TEAD1: variants seen among roughly 807,000 people sequenced by gnomAD.
The protein encoded by TEAD1 is transcriptional enhancer factor TEF-1.
In TEAD1, 9 loss-of-function variants were observed where a neutral mutation model predicts 54.9. That is an observed-to-expected ratio of 0.16 (90% confidence interval 0.10 to 0.29). TEAD1 has a LOEUF of 0.29. Among genes scored for constraint, TEAD1 ranks in the 10% least tolerant of loss-of-function variants. The probability of loss-of-function intolerance (pLI) is 1.00; values close to 1 mark genes in which losing one functional copy is unlikely to be tolerated. For missense variants in TEAD1, 387 were observed against 535.9 expected (o/e 0.72, Z 2.74); for synonymous variants, 200 against 187.8 (o/e 1.07, Z -0.53).
intron 2 of TEAD1, among the ~76,000 whole-genome samples, chr11:12,697,882 G>A (rs1943619364): frequency 6.6e-6 from 1 of 152,084 alleles, no homozygotes. Flanking sequence ...AATTAGCCAG[G>A]CATGGTGGCA....
At chr11:12,912,157 C>T (rs968207657) in intron 10 of TEAD1, among the ~76,000 whole-genome samples, 1 of 152,084 alleles carries the variant, frequency 6.6e-6, no homozygotes, top group Non-Finnish European at 1.5e-5. Flanking sequence ...TGGGCCATCT[C>T]GTTGCTAGAA....
chr11:12,936,244 T>TG (rs1015987982), intron 12 of TEAD1, among the ~76,000 whole-genome samples: 38 of 152,204 alleles, frequency 2.5e-4, no homozygotes, highest in African/African-American at 9.1e-4. Flanking sequence ...CTGTGTGGTG[T>TG]GGAGGGAGCT....
At chr11:12,692,310 T>A (rs1293143470) in intron 2 of TEAD1, among the ~76,000 whole-genome samples, 1 of 152,114 alleles carries the variant, frequency 6.6e-6, no homozygotes, top group Non-Finnish European at 1.5e-5. Flanking sequence ...AGACCTACAG[T>A]TTTAGCTTCA....
At chr11:12,689,915 T>C (rs1943418439) in intron 2 of TEAD1, among the ~76,000 whole-genome samples, 1 of 151,994 alleles carries the variant, frequency 6.6e-6, no homozygotes, top group Non-Finnish European at 1.5e-5. Context: ...CAACCAACTA[T>C]TGATACCGTG....
intron 3 of TEAD1, among the ~76,000 whole-genome samples, chr11:12,769,754 G>T (rs948794270): frequency 2.6e-5 from 4 of 152,116 alleles, no homozygotes; most frequent in African/African-American, 9.7e-5. Flanking sequence ...AAGTTAATTG[G>T]TTAGAAGCGT....
chr11:12,908,156 A>T (rs768919496), intron 10 of TEAD1, among the ~76,000 whole-genome samples: 1 of 152,144 alleles, frequency 6.6e-6, no homozygotes, highest in East Asian at 1.9e-4. Context: ...AACAGAGGAT[A>T]GTCCAGGAGC....
intron 2 of TEAD1, among the ~76,000 whole-genome samples, chr11:12,692,358 A>G (rs1390768332): frequency 6.6e-6 from 1 of 152,170 alleles, no homozygotes; most frequent in Non-Finnish European, 1.5e-5. Context: ...ACAAAGCTGT[A>G]TGCGTTCACA....
intron 3 of TEAD1, among the ~76,000 whole-genome samples, chr11:12,780,715 T>C (rs972255643): frequency 2.6e-5 from 4 of 152,202 alleles, no homozygotes; most frequent in Non-Finnish European, 5.9e-5. Flanking sequence ...AATAACCGAA[T>C]AAATTGGAAG....
At chr11:12,922,521 C>T (rs1403549568) in intron 10 of TEAD1, 2 of 152,026 alleles carry the variant, frequency 1.3e-5, no homozygotes, top group Non-Finnish European at 2.9e-5. Flanking sequence ...TGGACATTTT[C>T]CTAATAACCA....
chr11:12,680,387 A>G (rs1196212421), intron 2 of TEAD1, among the ~76,000 whole-genome samples: 1 of 152,240 alleles, frequency 6.6e-6, no homozygotes, highest in Non-Finnish European at 1.5e-5. Context: ...GCCCGCGGAA[A>G]CCAAATGACT....
intron 12 of TEAD1, 25 bp downstream of exon 12, chr11:12,930,351 G>GT (rs1948990994): frequency 1.2e-6 from 2 of 1,613,734 alleles, no homozygotes; most frequent in Non-Finnish European, 1.7e-6. Flanking sequence ...TCTTTCCTCT[G>GT]TGGGCAGATG....
chr11:12,772,525 T>G (rs1945332778), intron 3 of TEAD1, among the ~76,000 whole-genome samples: 1 of 152,206 alleles, frequency 6.6e-6, no homozygotes, highest in Non-Finnish European at 1.5e-5. Context: ...TTAGTACAGA[T>G]GTACAGTATA....
Position 12,805,148 on chromosome 11 carries a change from C to G in TEAD1, c.202+40714C>G, listed in dbSNP as rs532691845. On this transcript the variant is annotated intron_variant, in intron 3 of 12. Transcript: ENST00000527636. The stretch of plus-strand genomic sequence containing the variant: ...CCATTTGGTGGCTTACTGTGAAGGT[C>G]AACAATATAATGAATCTCCTTTAAA... Among the ~76,000 whole-genome samples the G allele has an allele frequency of 2.6e-5, 4 of 152,214 alleles. No individual in the cohort carries two copies. In the East Asian group the frequency reaches 7.7e-4, roughly 29 times the overall value.
At chr11:12,775,460 A>G (rs894414400) in intron 3 of TEAD1, among the ~76,000 whole-genome samples, 1 of 152,198 alleles carries the variant, frequency 6.6e-6, no homozygotes, top group Non-Finnish European at 1.5e-5. Flanking sequence ...TTCCTCACTC[A>G]TCTGCTGCTG....
rs184408211 is a variant in TEAD1, at chr11:12,749,552, G to A, written c.-54-14627G>A. Among the ~76,000 whole-genome samples, 369 of 152,288 alleles carry A rather than the reference G, an allele frequency of 2.4e-3. 3 individuals are homozygous for A. In the South Asian group the frequency reaches 0.03, roughly 12 times the overall value. On this transcript the variant is annotated intron_variant, in intron 2 of 12. Transcript: ENST00000527636. Reference sequence around the variant, plus strand: ...TTGCTGGGGTTTGTCAGAGGGGAGGGGGAGGAGACTGCTGGCTGGAGAGGG... The same window carrying A: ...TTGCTGGGGTTTGTCAGAGGGGAGGAGGAGGAGACTGCTGGCTGGAGAGGG...
chr11:12,780,119 C>T lies in TEAD1; in HGVS notation c.202+15685C>T, dbSNP rs189944305. ...TTGGGAAGGGAGAAGTCAAACTATACTGTCTCTATTTGATCTTGTATGTAG... is the reference window on the plus strand; with the variant it reads ...TTGGGAAGGGAGAAGTCAAACTATATTGTCTCTATTTGATCTTGTATGTAG... On this transcript the variant is annotated intron_variant, in intron 3 of 12. Coordinates refer to ENST00000527636, the MANE Select transcript of TEAD1 (RefSeq NM_021961.6). Among the ~76,000 whole-genome samples, 12 of 152,180 alleles carry T rather than the reference C, an allele frequency of 7.9e-5. No individual in the cohort carries two copies. In the East Asian group the frequency reaches 2.3e-3, roughly 29 times the overall value.
chr11:12,920,946 G>T (rs977624093), intron 10 of TEAD1, among the ~76,000 whole-genome samples: 18 of 152,150 alleles, frequency 1.2e-4, no homozygotes, highest in African/African-American at 1.9e-4. Context: ...TCAAATGGCT[G>T]TACTTTATAG....
intron 3 of TEAD1, among the ~76,000 whole-genome samples, chr11:12,859,085 C>T (rs1397494587): frequency 6.6e-6 from 1 of 152,190 alleles, no homozygotes; most frequent in Non-Finnish European, 1.5e-5. Context: ...AAAATGTCAT[C>T]ATGTGGTGCA....
At chr11:12,690,220 C>T (rs554927083) in intron 2 of TEAD1, among the ~76,000 whole-genome samples, 9 of 138,820 alleles carry the variant, frequency 6.5e-5, no homozygotes, top group South Asian at 2.2e-4. Flanking sequence ...CCAACCTGGG[C>T]GACAGAGTGA....
Sources: allele counts gnomAD v4.1 joint callset (sites outside exome capture counted in the v4.1 genomes callset), GRCh38; gene constraint gnomAD v4.1.1; transcripts MANE v1.5; gene names NCBI Gene and HGNC (gene_info 2026-07-23, HGNC 2026-07-21).